PDHX: variants seen among roughly 807,000 people sequenced by gnomAD.
PDHX encodes the protein pyruvate dehydrogenase complex component X, also known as pyruvate dehydrogenase protein X component, mitochondrial.
PDHX carries 33 observed loss-of-function variants against 55.3 expected under a neutral mutation model. The observed-to-expected ratio is 0.60, with a 90% CI of 0.45 to 0.80. PDHX has a LOEUF of 0.80. Among genes scored for constraint, PDHX ranks in the 30% least tolerant of loss-of-function variants. The pLI is 0.00. For synonymous variants in PDHX, 226 were observed against 219.4 expected (o/e 1.03, Z -0.27); for missense variants, 622 against 619.9 (o/e 1.00, Z -0.04).
chr11:34,943,779 C>T (rs1015649414), intron 2 of PDHX, among the ~76,000 whole-genome samples: 1 of 152,156 alleles, frequency 6.6e-6, no homozygotes, highest in African/African-American at 2.4e-5. Context: ...GGATCACTGC[C>T]TGTTTACAGA....
intron 1 of PDHX, among the ~76,000 whole-genome samples, chr11:34,924,896 G>A (rs557067022): frequency 1.4e-3 from 217 of 152,098 alleles, no homozygotes; most frequent in South Asian, 2.3e-3. Flanking sequence ...TATTTTAGCC[G>A]TTTTCTGTGG....
chr11:34,972,467 G>C (rs1451306030), intron 7 of PDHX, among the ~76,000 whole-genome samples: 1 of 150,926 alleles, frequency 6.6e-6, no homozygotes, highest in African/African-American at 2.4e-5. Context: ...GTGCGATCTC[G>C]GTTCACTTCA....
chr11:34,968,956 AC>A (rs1362383839), intron 6 of PDHX, among the ~76,000 whole-genome samples: 27 of 151,974 alleles, frequency 1.8e-4, no homozygotes, highest in African/African-American at 6.3e-4. Flanking sequence ...TAATTTTTTG[AC>A]TTCACGATGG....
intron 2 of PDHX, 83 bp from the exon 3 acceptor site, chr11:34,947,423 A>G: frequency 2.2e-6 from 2 of 903,382 alleles, no homozygotes; most frequent in South Asian, 1.4e-5. Context: ...TTTGGTATTT[A>G]TTTATGTTTT....
intron 9 of PDHX, among the ~76,000 whole-genome samples, chr11:34,988,041 T>C (rs1011329470): frequency 3.3e-5 from 5 of 152,208 alleles, no homozygotes; most frequent in Non-Finnish European, 7.4e-5. Context: ...CTTTGTACTA[T>C]GGCTTATTTA....
At chr11:34,933,338 C>T in intron 2 of PDHX, among the ~76,000 whole-genome samples, 1 of 151,956 alleles carries the variant, frequency 6.6e-6, no homozygotes, top group East Asian at 1.9e-4. Flanking sequence ...ATTATATGGC[C>T]CTAATAGATT....
chr11:34,993,201 C>A (rs1295764676), intron 10 of PDHX, among the ~76,000 whole-genome samples: 2 of 151,576 alleles, frequency 1.3e-5, no homozygotes, highest in East Asian at 3.9e-4. Flanking sequence ...GATATACAGA[C>A]CTTTATAGGA....
intron 8 of PDHX, 56 bp downstream of exon 8, chr11:34,978,238 T>A: frequency 4.1e-6 from 4 of 985,498 alleles, no homozygotes; most frequent in Non-Finnish European, 3.2e-6. Flanking sequence ...TGTCGTGGAA[T>A]TTTTACAATG....
chr11:34,979,436 C>T (rs2767038), intron 8 of PDHX, among the ~76,000 whole-genome samples: 90,838 of 151,874 alleles, frequency 0.6, 28,739 homozygotes, highest in East Asian at 0.75. Context: ...CTTTCTGTAA[C>T]GAGGCTATTT....
In PDHX at chr11:34,995,073, C is replaced by A. The variant is rs1298855511; in HGVS notation, c.1407C>A (p.Val469=). ...TGCAGCAGCGCCAGCTCATAACAGTCACAATGTCAAGTGACAGTCGAGTGG... is the reference window on the plus strand; with the variant it reads ...TGCAGCAGCGCCAGCTCATAACAGTAACAATGTCAAGTGACAGTCGAGTGG... ...AKLQQRQLIT[V]TMSSDSRVVD... Residue 469 remains valine, a synonymous_variant, in exon 11 of 11, where the codon GTC becomes GTA. Coordinates refer to ENST00000227868, the MANE Select transcript of PDHX (RefSeq NM_003477.3). 1 of 1,613,900 alleles carries A rather than the reference C, an allele frequency of 6.2e-7. No individual in the cohort carries two copies. Among genetic ancestry groups the A allele is most frequent in the African/African-American group, 1.3e-5 (1 of 74,892 alleles).
At position 34,950,304 on chromosome 11, in the gene PDHX, T is replaced by C. The variant is rs77480158; in HGVS notation, c.342+2698T>C. On this transcript the variant is annotated intron_variant, in intron 3 of 10. Coordinates refer to ENST00000227868, the MANE Select transcript of PDHX (RefSeq NM_003477.3). ...CCTCTCAGAGCTCAGAGCAGTTCTA[T>C]TAAATGGAAGATATTCTCAACTCTA... is the stretch of plus-strand genomic sequence containing the variant. Among the ~76,000 whole-genome samples the C allele has an allele frequency of 3.3e-3, 500 of 151,906 alleles. 4 individuals are homozygous for C. The highest frequency in any genetic ancestry group is 0.012 in the African/African-American group (483 of 41,530).
At chr11:34,971,588 G>T (rs1184416813) in intron 7 of PDHX, among the ~76,000 whole-genome samples, 1 of 151,970 alleles carries the variant, frequency 6.6e-6, no homozygotes, top group Non-Finnish European at 1.5e-5. Context: ...AATTACATTG[G>T]TTGATTTTCA....
At chr11:34,970,440 G>C (rs1013447156) in intron 7 of PDHX, among the ~76,000 whole-genome samples, 154 bp downstream of exon 7, 1 of 152,060 alleles carries the variant, frequency 6.6e-6, no homozygotes, top group Non-Finnish European at 1.5e-5. Context: ...ATTTGTGCTA[G>C]AGGAAAAAAA....
At position 34,992,379 on chromosome 11, in the gene PDHX, G is replaced by T; in HGVS notation, c.1247G>T (p.Ser416Ile). ...LPEEYQGGSFSISNLGMFGID... is the reference protein window; with the variant it reads ...LPEEYQGGSFIISNLGMFGID... ...GAAGAATACCAAGGAGGATCTTTTA[G>T]GTAAAATTTAAACTCTTAATTATCC... Residue 416 changes from serine (S) to isoleucine (I), a missense_variant and splice_region_variant, in exon 10 of 11, where the codon AGT becomes ATT. Physicochemically the swap from Ser to Ile is moderately radical, Grantham distance 142 (BLOSUM62 -2). Transcript: ENST00000227868. The T allele has an allele frequency of 6.4e-7, 1 of 1,554,558 alleles. No individual in the cohort carries two copies. Among genetic ancestry groups the T allele is most frequent in the East Asian group, 2.3e-5 (1 of 44,316 alleles).
intron 9 of PDHX, among the ~76,000 whole-genome samples, chr11:34,990,598 A>G (rs1267805476): frequency 6.6e-6 from 1 of 152,136 alleles, no homozygotes; most frequent in Non-Finnish European, 1.5e-5. Context: ...AAGTTCATAT[A>G]TGTGTCTTTT....
intron 6 of PDHX, 36 bp downstream of exon 6, chr11:34,966,850 T>G: frequency 1.3e-6 from 2 of 1,587,628 alleles, no homozygotes; most frequent in Non-Finnish European, 1.7e-6. Flanking sequence ...TTTCTTTTTC[T>G]TGTTTTTCTT....
chr11:34,971,156 G>C (rs1855249872), intron 7 of PDHX, among the ~76,000 whole-genome samples: 1 of 151,730 alleles, frequency 6.6e-6, no homozygotes, highest in South Asian at 2.1e-4. Flanking sequence ...TATATTTCTT[G>C]TTCAGAATGC....
intron 2 of PDHX, among the ~76,000 whole-genome samples, chr11:34,947,167 T>A (rs1854639625): frequency 6.6e-6 from 1 of 152,224 alleles, no homozygotes; most frequent in Admixed American, 6.5e-5. Context: ...AAGGGGGATA[T>A]GGAGTCTGGA....
At chr11:34,935,733 A>G (rs1373280150) in intron 2 of PDHX, among the ~76,000 whole-genome samples, 2 of 152,204 alleles carry the variant, frequency 1.3e-5, no homozygotes, top group Non-Finnish European at 2.9e-5. Flanking sequence ...AGCCATTATT[A>G]TGCGTCATCT....
Sources: gnomAD v4.1 joint callset for allele counts (sites outside exome capture counted in the v4.1 genomes callset) on GRCh38, gnomAD v4.1.1 for gene constraint, MANE v1.5 for transcripts, NCBI Gene and HGNC (gene_info 2026-07-23, HGNC 2026-07-21) for gene names.